Variants in PCDHGA3 observed in about 807,000 individuals in gnomAD.
PCDHGA3 encodes protocadherin gamma-A3.
In PCDHGA3, 40 loss-of-function variants were observed where a neutral mutation model predicts 58.5. The observed-to-expected ratio is 0.68, with a 90% CI of 0.53 to 0.89. The LOEUF is 0.89. Among genes scored for constraint, PCDHGA3 ranks in the 40% least tolerant of loss-of-function variants. The pLI, the probability that PCDHGA3 is intolerant of heterozygous loss-of-function variation, is 0.00. For missense variants in PCDHGA3, 1,223 were observed against 1,195.9 expected (o/e 1.02, Z -0.33); for synonymous variants, 530 against 525.7 (o/e 1.01, Z -0.11).
intron 1 of PCDHGA3, chr5:141,423,606 GAT>G: frequency 6.2e-7 from 1 of 1,612,164 alleles, no homozygotes; most frequent in African/African-American, 1.3e-5. Flanking sequence ...AGCCACTCTT[GAT>G]AGCTGAAGAC....
intron 1 of PCDHGA3, chr5:141,371,888 G>A (rs1464333099): frequency 1.2e-6 from 2 of 1,613,438 alleles, no homozygotes; most frequent in South Asian, 2.2e-5. Context: ...ACCTGGAGCC[G>A]CGGGAGCTGT....
chr5:141,476,986 C>A lies in PCDHGA3; in HGVS notation c.2425-17821C>A. ...CCTTCGGCAGCCACAACCGCGCCGG[C>A]GTGCGGCAACTATTCGCCTTAGACC... On this transcript the variant is annotated intron_variant, in intron 1 of 3. Transcript: ENST00000253812. The surrounding 1 kb of genome is among the most constrained non-coding windows in gnomAD (Gnocchi z 7.6). 6.2e-7 allele frequency: 1 copy of A among 1,614,218 alleles called. No individual in the cohort carries two copies. The highest frequency in any genetic ancestry group is 8.5e-7 in the Non-Finnish European group (1 of 1,180,042).
chr5:141,371,371 A>C (rs745398017), intron 1 of PCDHGA3: 1 of 1,614,032 alleles, frequency 6.2e-7, no homozygotes, highest in Non-Finnish European at 8.5e-7. Context: ...GATGGTGGAC[A>C]TCACACTGCA....
intron 1 of PCDHGA3, chr5:141,387,968 G>C (rs1169859236): frequency 6.7e-7 from 1 of 1,489,402 alleles, no homozygotes; most frequent in Non-Finnish European, 9.0e-7. Context: ...TCTGCCCGGC[G>C]CTCTGTGAGC....
Position 141,345,297 on chromosome 5 carries a change from C to G in PCDHGA3, c.1264C>G (p.Leu422Val), listed in dbSNP as rs779306388. 1.9e-6 allele frequency: 3 copies of G among 1,613,994 alleles called. No homozygotes were observed. The highest frequency in any genetic ancestry group is 1.6e-4 in the Middle Eastern group (1 of 6,062). Residue 422 changes from leucine (L) to valine (V), a missense_variant, in exon 1 of 4, where the codon CTG becomes GTG. Transcript: ENST00000253812. ...REQISEYNISLRASDGGSPPL... is the reference protein window; with the variant it reads ...REQISEYNISVRASDGGSPPL... ...ACAAATATCAGAATATAACATTAGT[C>G]TGAGAGCCTCAGATGGGGGAAGCCC...
chr5:141,471,408 T>C (rs951728688), intron 1 of PCDHGA3: 1 of 152,166 alleles, frequency 6.6e-6, no homozygotes, highest in Non-Finnish European at 1.5e-5. Flanking sequence ...CTAGGCTTAG[T>C]TATGTTTTTA....
rs371130763 is a variant in PCDHGA3 at position 141,432,970 on chromosome 5, G to A, written c.2425-61837G>A. The A allele has an allele frequency of 5.0e-6, 8 of 1,613,996 alleles. No homozygotes were observed. Among genetic ancestry groups the A allele is most frequent in the East Asian group, 4.5e-5 (2 of 44,868 alleles). ...GAGGCGGCTTGACAGGAGCGCCGGC[G>A]TCGCACTTTGTGGGCGTGGACGGGG... On this transcript the variant is annotated intron_variant, in intron 1 of 3. Transcript: ENST00000253812. The surrounding 1 kb of genome is among the most constrained non-coding windows in gnomAD (Gnocchi z 6.0).
chr5:141,359,076 G>T (rs1165492241), intron 1 of PCDHGA3, among the ~76,000 whole-genome samples: 2 of 152,194 alleles, frequency 1.3e-5, no homozygotes, highest in East Asian at 1.9e-4. Context: ...TTACAAAGGA[G>T]AGTTTTAGTT....
chr5:141,474,056 C>T (rs576482294), intron 1 of PCDHGA3, among the ~76,000 whole-genome samples: 37 of 152,136 alleles, frequency 2.4e-4, no homozygotes, highest in Non-Finnish European at 4.9e-4. Flanking sequence ...GATGACAGAG[C>T]GAGATCCTGC....
At chr5:141,505,352 C>CG in intron 2 of PCDHGA3, 41 bp from the exon 3 acceptor site, 1 of 1,613,302 alleles carries the variant, frequency 6.2e-7, no homozygotes, top group East Asian at 2.2e-5. Context: ...TGAGCTGTGC[C>CG]GGCCTGGGAG....
intron 1 of PCDHGA3, among the ~76,000 whole-genome samples, chr5:141,348,125 A>G (rs1455807661): frequency 1.3e-5 from 2 of 152,216 alleles, no homozygotes; most frequent in Non-Finnish European, 2.9e-5. Context: ...AATTATTTTC[A>G]CTCATGAAAT....
At chr5:141,481,318 A>C (rs758947998) in intron 1 of PCDHGA3, among the ~76,000 whole-genome samples, 6 of 152,216 alleles carry the variant, frequency 3.9e-5, no homozygotes, top group Non-Finnish European at 8.8e-5. Context: ...TTCCTAAAGC[A>C]CTAGCCCCTG....
intron 1 of PCDHGA3, chr5:141,414,493 GCT>G: frequency 6.2e-7 from 1 of 1,613,950 alleles, no homozygotes; most frequent in Non-Finnish European, 8.5e-7. Context: ...ATCAACGGAA[GCT>G]CACTTTATGC....
At chr5:141,377,890 C>G (rs1204585448) in intron 1 of PCDHGA3, 1 of 152,090 alleles carries the variant, frequency 6.6e-6, no homozygotes, top group Non-Finnish European at 1.5e-5. Context: ...GATAGGATCC[C>G]CCTCTGTTGC....
intron 1 of PCDHGA3, chr5:141,413,835 C>T (rs762735722): frequency 1.9e-6 from 3 of 1,613,258 alleles, no homozygotes. Context: ...CCGCCTCCGA[C>T]GGGGGTGACC....
At chr5:141,346,488 A>C (rs201709248) in intron 1 of PCDHGA3, 31 bp downstream of exon 1, 105 of 1,612,830 alleles carry the variant, frequency 6.5e-5, no homozygotes, top group Admixed American at 1.8e-4. Context: ...GATTATTAAG[A>C]ACAAATATGA....
rs1310725827 is a variant in PCDHGA3, at chr5:141,500,934, T to C, written c.2484-4459T>C. The stretch of plus-strand genomic sequence containing the variant: ...TCCAGGCTGGGGTGCAGTGGCGCCA[T>C]CTCGGCTCACTGCAAGCTCCACCTC... On this transcript the variant is annotated intron_variant, in intron 2 of 3. Transcript: ENST00000253812. 5.9e-5 allele frequency among the ~76,000 whole-genome samples: 9 copies of C among 151,906 alleles called. 1 individual carries two copies. Among genetic ancestry groups the C allele is most frequent in the Non-Finnish European group, 1.3e-4 (9 of 68,020 alleles).
chr5:141,395,302 T>C, intron 1 of PCDHGA3: 1 of 1,516,670 alleles, frequency 6.6e-7, no homozygotes, highest in East Asian at 2.3e-5. Flanking sequence ...AATTATGTTT[T>C]GAAAAACATT....
rs139153105 is a variant in PCDHGA3 at position 141,432,400 on chromosome 5, G to T, written c.2425-62407G>T. 3.1e-6 allele frequency: 5 copies of T among 1,614,122 alleles called. No homozygotes were observed. In the African/African-American group the frequency reaches 4.0e-5, roughly 13 times the overall value. ...ACCCGCCCCTCAGCAGCAACGTGTC[G>T]TTGAGCCTGTTCGTGCTGGACCAGA... On this transcript the variant is annotated intron_variant, in intron 1 of 3. Transcript: ENST00000253812. The surrounding 1 kb of genome is among the most constrained non-coding windows in gnomAD (Gnocchi z 6.0).
Sources: gnomAD v4.1 joint callset for allele counts (sites outside exome capture counted in the v4.1 genomes callset) on GRCh38, gnomAD v4.1.1 for gene constraint, Gnocchi (gnomAD v3.1) non-coding constraint, MANE v1.5 for transcripts, NCBI Gene and HGNC (gene_info 2026-07-23, HGNC 2026-07-21) for gene names.